MBD5: variants seen among roughly 807,000 people sequenced by gnomAD.
MBD5 encodes the protein methyl-CpG binding domain protein 5.
MBD5 carries 13 observed loss-of-function variants against 117.3 expected under a neutral mutation model. The ratio of observed to expected loss-of-function variants is 0.11; its 90% CI spans 0.07 to 0.18. The LOEUF (loss-of-function observed/expected upper bound fraction) is 0.18, where lower values mean the gene tolerates loss of function less well. Among genes scored for constraint, MBD5 ranks in the 10% least tolerant of loss-of-function variants. MBD5 has a pLI of 1.00. For synonymous variants in MBD5, 727 were observed against 766.4 expected (o/e 0.95, Z 0.85); for missense variants, 1,879 against 2,093.8 (o/e 0.90, Z 2.00).
rs769785077 is a variant in MBD5, at chr2:148,470,253, C to T, written c.2310C>T (p.His770=). ...ACAATGCAAACACTAACTTTGTTCA[C>T]AGTAACAGTCCAGTCCCCAACCACC... ...HCHNANTNFV[H]SNSPVPNHHL... Residue 770 remains histidine (H), a synonymous_variant, in exon 8 of 14, where the codon CAC becomes CAT. Coordinates refer to ENST00000642680, the MANE Select transcript of MBD5 (RefSeq NM_001378120.1). The T allele has an allele frequency of 4.3e-6, 7 of 1,613,982 alleles. No homozygotes were observed. Among genetic ancestry groups the T allele is most frequent in the Non-Finnish European group, 5.1e-6 (6 of 1,179,890 alleles).
intron 1 of MBD5, among the ~76,000 whole-genome samples, chr2:148,132,157 T>C (rs1038154441): frequency 3.3e-5 from 5 of 152,070 alleles, no homozygotes; most frequent in African/African-American, 9.7e-5. Flanking sequence ...CTGAGTATAA[T>C]GCCTCGCACA....
intron 1 of MBD5, among the ~76,000 whole-genome samples, chr2:148,092,425 A>G (rs577411792): frequency 6.6e-6 from 1 of 152,354 alleles, no homozygotes; most frequent in Admixed American, 6.5e-5. Flanking sequence ...ATGTCCATCA[A>G]CCAACAAGTG....
intron 1 of MBD5, among the ~76,000 whole-genome samples, chr2:148,130,582 A>G: frequency 6.6e-6 from 1 of 150,848 alleles, no homozygotes; most frequent in East Asian, 1.9e-4. Context: ...CACTCTGGGG[A>G]TCAGAGGAAC....
At chr2:148,154,532 T>G (rs923273336) in intron 1 of MBD5, among the ~76,000 whole-genome samples, 12 of 152,302 alleles carry the variant, frequency 7.9e-5, no homozygotes, top group Admixed American at 2.6e-4. Flanking sequence ...TCCCCCAGCC[T>G]GGCTGCCGCC....
chr2:148,383,795 G>T (rs1176316710), intron 4 of MBD5, among the ~76,000 whole-genome samples: 1 of 152,122 alleles, frequency 6.6e-6, no homozygotes, highest in Non-Finnish European at 1.5e-5. Flanking sequence ...GGGATGCAAG[G>T]CTGGTTCAAC....
chr2:148,296,153 T>TA (rs1701640579), intron 3 of MBD5: 1 of 199,826 alleles, frequency 5.0e-6, no homozygotes, highest in South Asian at 1.0e-4. Flanking sequence ...TTCATGAACC[T>TA]ACATTGGGTC....
At chr2:148,121,409 T>G (rs1480696049) in intron 1 of MBD5, among the ~76,000 whole-genome samples, 2 of 149,398 alleles carry the variant, frequency 1.3e-5, no homozygotes, top group African/African-American at 2.4e-5. Flanking sequence ...AACTTTTGGG[T>G]TTTTTTTTTC....
intron 1 of MBD5, among the ~76,000 whole-genome samples, chr2:148,059,105 TGAA>T (rs1694955465): frequency 1.3e-5 from 2 of 152,202 alleles, no homozygotes; most frequent in African/African-American, 4.8e-5. Flanking sequence ...GACTTCTAGA[TGAA>T]GAACACTGAC....
At chr2:148,068,935 C>A (rs1383253505) in intron 1 of MBD5, among the ~76,000 whole-genome samples, 3 of 152,036 alleles carry the variant, frequency 2.0e-5, no homozygotes, top group African/African-American at 7.2e-5. Context: ...TGCATTATAA[C>A]CAATAGGTGA....
At chr2:148,072,644 G>C (rs1307162852) in intron 1 of MBD5, among the ~76,000 whole-genome samples, 1 of 152,080 alleles carries the variant, frequency 6.6e-6, no homozygotes. Flanking sequence ...ATTAATTGTT[G>C]CATGAAAACT....
At chr2:148,104,553 A>G (rs1356000555) in intron 1 of MBD5, among the ~76,000 whole-genome samples, 1 of 152,144 alleles carries the variant, frequency 6.6e-6, no homozygotes, top group Non-Finnish European at 1.5e-5. Flanking sequence ...GTAATGTTTT[A>G]ACACCCAATC....
chr2:148,448,915 A>T (rs2105467380), intron 4 of MBD5, among the ~76,000 whole-genome samples: 1 of 152,130 alleles, frequency 6.6e-6, no homozygotes, highest in South Asian at 2.1e-4. Flanking sequence ...GGTTATGTAA[A>T]TGCAGCCAAG....
intron 3 of MBD5, among the ~76,000 whole-genome samples, chr2:148,280,199 G>A (rs528044137): frequency 1.0e-3 from 149 of 147,262 alleles, no homozygotes; most frequent in African/African-American, 3.5e-3. Context: ...TAATACATAT[G>A]TGGACTATAT....
At chr2:148,257,483 C>A (rs888527732) in intron 3 of MBD5, among the ~76,000 whole-genome samples, 1 of 152,158 alleles carries the variant, frequency 6.6e-6, no homozygotes, top group Non-Finnish European at 1.5e-5. Context: ...TCTGGGATGG[C>A]CTTTGTCTTA....
At chr2:148,297,703 G>A (rs1034736560) in intron 3 of MBD5, among the ~76,000 whole-genome samples, 1 of 152,110 alleles carries the variant, frequency 6.6e-6, no homozygotes, top group Non-Finnish European at 1.5e-5. Context: ...GTTTTGGGGA[G>A]TGTTTTTCTG....
At chr2:148,076,562 C>T (rs1695515718) in intron 1 of MBD5, among the ~76,000 whole-genome samples, 2 of 152,152 alleles carry the variant, frequency 1.3e-5, no homozygotes, top group African/African-American at 4.8e-5. Flanking sequence ...AATGTTCCAG[C>T]TTAGAAGTCA....
At chr2:148,399,776 T>C (rs1343219143) in intron 4 of MBD5, among the ~76,000 whole-genome samples, 1 of 152,164 alleles carries the variant, frequency 6.6e-6, no homozygotes, top group Non-Finnish European at 1.5e-5. Context: ...TTCAGTATGA[T>C]ATTGGCTGTG....
Position 148,483,414 on chromosome 2 carries a change from C to T in MBD5, c.2823C>T (p.Ile941=). The part of the protein sequence containing the change: ...QHLLNQNLLN[I]LQPSAGEGKS... ...TCCTAAACCAGAATCTATTAAATATCCTCCAGCCTTCAGCAGGAGAAGGCA... is the reference window on the plus strand; with the variant it reads ...TCCTAAACCAGAATCTATTAAATATTCTCCAGCCTTCAGCAGGAGAAGGCA... Residue 941 remains isoleucine, a synonymous_variant, in exon 9 of 14, where the codon ATC becomes ATT. Transcript: ENST00000642680. The T allele has an allele frequency of 6.2e-7, 1 of 1,614,036 alleles. No individual in the cohort carries two copies.
intron 2 of MBD5, among the ~76,000 whole-genome samples, chr2:148,202,655 G>C (rs1362780076): frequency 2.6e-5 from 4 of 152,134 alleles, no homozygotes; most frequent in African/African-American, 9.7e-5. Context: ...TGTGATTTGA[G>C]AAATTTAAAA....
Sources: gnomAD v4.1 joint callset for allele counts (sites outside exome capture counted in the v4.1 genomes callset) on GRCh38, gnomAD v4.1.1 for gene constraint, MANE v1.5 for transcripts, NCBI Gene and HGNC (gene_info 2026-07-23, HGNC 2026-07-21) for gene names.